The following DDAH1 variants were observed in gnomAD, a reference collection of about 807,000 sequenced individuals.
The protein encoded by DDAH1 is N(G),N(G)-dimethylarginine dimethylaminohydrolase 1.
DDAH1 carries 19 observed loss-of-function variants against 28.8 expected under a neutral mutation model. The ratio of observed to expected loss-of-function variants is 0.66; its 90% confidence interval spans 0.46 to 0.97. The LOEUF is 0.97. Ranked by LOEUF, DDAH1 falls within the 50% of genes least tolerant of loss-of-function variation. The pLI is 0.00. For synonymous variants in DDAH1, 153 were observed against 154.4 expected (o/e 0.99, Z 0.07); for missense variants, 326 against 375.9 (o/e 0.87, Z 1.10).
At chr1:85,459,994 C>T (rs1655057582) in intron 1 of DDAH1, among the ~76,000 whole-genome samples, 1 of 152,182 alleles carries the variant, frequency 6.6e-6, no homozygotes, top group Admixed American at 6.5e-5. Flanking sequence ...CAAAAAATGA[C>T]CTTCAGATTT....
At chr1:85,331,183 G>A (rs1647736643) in intron 4 of DDAH1, among the ~76,000 whole-genome samples, 1 of 152,134 alleles carries the variant, frequency 6.6e-6, no homozygotes, top group Non-Finnish European at 1.5e-5. Context: ...CAACATTTCT[G>A]GGAATTTTCT....
chr1:85,471,260 T>C (rs1655608550), intron 2 of DDAH1, among the ~76,000 whole-genome samples: 1 of 152,240 alleles, frequency 6.6e-6, no homozygotes, highest in African/African-American at 2.4e-5. Context: ...TGGGTTCTGA[T>C]AATGCTGTTG....
Position 85,464,753 on chromosome 1 carries a change from C to T in DDAH1, c.293G>A (p.Arg98Gln). Residue 98 changes from arginine (R) to glutamine (Q), a missense_variant, in exon 1 of 6, where the codon CGG becomes CAG. By Grantham distance (43) the Arg-to-Gln change is conservative. Coordinates refer to ENST00000284031, the MANE Select transcript of DDAH1 (RefSeq NM_012137.4). This position sits in a 1 kb window ranked among gnomAD's most constrained non-coding sequence, Gnocchi z 4.4. ...ALITRPGAPS[R>Q]RKEVDMMKEA... The stretch of plus-strand genomic sequence containing the variant: ...CGAGTCGGCAGTTACCTCCTTCCTC[C>T]GGCTCGGCGCCCCGGGTCGGGTGAT... The T allele has an allele frequency of 1.9e-6, 3 of 1,547,116 alleles. No individual in the cohort carries two copies. Among genetic ancestry groups the T allele is most frequent in the Non-Finnish European group, 2.6e-6 (3 of 1,152,318 alleles).
chr1:85,388,821 A>T (rs1157816108), intron 1 of DDAH1, among the ~76,000 whole-genome samples: 1 of 152,200 alleles, frequency 6.6e-6, no homozygotes, highest in East Asian at 1.9e-4. Flanking sequence ...TTCAGTGTGG[A>T]GTATTTGGCA....
chr1:85,427,012 A>C (rs1238768908), intron 1 of DDAH1, among the ~76,000 whole-genome samples: 2 of 151,962 alleles, frequency 1.3e-5, no homozygotes, highest in African/African-American at 4.8e-5. Context: ...CATTATCTTA[A>C]GGATGATGTT....
intron 1 of DDAH1, among the ~76,000 whole-genome samples, chr1:85,427,384 A>C (rs1338614059): frequency 6.6e-6 from 1 of 152,224 alleles, no homozygotes; most frequent in Non-Finnish European, 1.5e-5. Context: ...TTTAATGCAA[A>C]ACATCAGATC....
chr1:85,393,202 C>T (rs879351600), intron 1 of DDAH1, among the ~76,000 whole-genome samples: 2 of 152,196 alleles, frequency 1.3e-5, no homozygotes, highest in African/African-American at 2.4e-5. Context: ...TATGTATCAT[C>T]TTTACTTCTT....
chr1:85,387,258 C>G (rs940021088), intron 1 of DDAH1, among the ~76,000 whole-genome samples: 3 of 152,104 alleles, frequency 2.0e-5, no homozygotes, highest in African/African-American at 7.2e-5. Flanking sequence ...TGAGAACTTT[C>G]CAAAATTTTC....
At chr1:85,471,073 G>A (rs202061619) in intron 2 of DDAH1, among the ~76,000 whole-genome samples, 3 of 133,502 alleles carry the variant, frequency 2.2e-5, no homozygotes, top group African/African-American at 8.6e-5. Context: ...TCCCATTTTT[G>A]TTGGTTTTGG....
At chr1:85,567,962 G>A (rs536633915) in intron 1 of DDAH1, among the ~76,000 whole-genome samples, 2 of 152,162 alleles carry the variant, frequency 1.3e-5, no homozygotes, top group South Asian at 4.1e-4. Flanking sequence ...AAGTATAAAA[G>A]AATTCAAGTT....
intron 1 of DDAH1, among the ~76,000 whole-genome samples, chr1:85,458,704 G>A (rs572295158): frequency 1.3e-5 from 2 of 152,212 alleles, no homozygotes; most frequent in East Asian, 3.9e-4. Context: ...TCAGTTTAGG[G>A]GAAGTGATGG....
intron 2 of DDAH1, among the ~76,000 whole-genome samples, chr1:85,478,883 G>C (rs1369451299): frequency 6.6e-6 from 1 of 152,100 alleles, no homozygotes; most frequent in African/African-American, 2.4e-5. Context: ...TAATATTATG[G>C]GGGATAGTCT....
intron 4 of DDAH1, among the ~76,000 whole-genome samples, chr1:85,339,462 T>G (rs1648335865): frequency 6.6e-6 from 1 of 152,188 alleles, no homozygotes; most frequent in Non-Finnish European, 1.5e-5. Flanking sequence ...AAAATGAGAT[T>G]TAGAAATATT....
intron 4 of DDAH1, among the ~76,000 whole-genome samples, chr1:85,330,831 T>G (rs1460312254): frequency 2.0e-5 from 3 of 152,318 alleles, no homozygotes; most frequent in Middle Eastern, 3.4e-3. Context: ...ACAATGGCAG[T>G]GTGAGGTGGG....
At chr1:85,473,783 A>C (rs1655703200) in intron 2 of DDAH1, among the ~76,000 whole-genome samples, 2 of 151,844 alleles carry the variant, frequency 1.3e-5, no homozygotes, top group African/African-American at 4.8e-5. Context: ...CTTTCCTTTA[A>C]ATGTTGGTAT....
intron 1 of DDAH1, among the ~76,000 whole-genome samples, chr1:85,390,865 T>A (rs1383485510): frequency 6.6e-6 from 1 of 152,178 alleles, no homozygotes; most frequent in Non-Finnish European, 1.5e-5. Flanking sequence ...CAAATCTTAC[T>A]ACAGATAATA....
intron 1 of DDAH1, among the ~76,000 whole-genome samples, chr1:85,391,435 C>A (rs1651543940): frequency 2.0e-5 from 3 of 152,026 alleles, no homozygotes; most frequent in African/African-American, 7.2e-5. Context: ...TCACTGCACT[C>A]CAGCCTGGGC....
chr1:85,540,960 T>TA (rs140965112), intron 1 of DDAH1, among the ~76,000 whole-genome samples: 27,254 of 106,524 alleles, frequency 0.26, 3,280 homozygotes, highest in Middle Eastern at 0.3. Context: ...ACTCAGTATC[T>TA]AAAAAAAAAA....
chr1:85,512,960 G>A (rs189625165), intron 1 of DDAH1, among the ~76,000 whole-genome samples: 28 of 152,070 alleles, frequency 1.8e-4, no homozygotes, highest in South Asian at 6.2e-4. Flanking sequence ...CATCCCCATC[G>A]AGCTACCAAT....
Sources: gnomAD v4.1 joint callset for allele counts (sites outside exome capture counted in the v4.1 genomes callset) on GRCh38, gnomAD v4.1.1 for gene constraint, Gnocchi (gnomAD v3.1) non-coding constraint, MANE v1.5 for transcripts, NCBI Gene and HGNC (gene_info 2026-07-23, HGNC 2026-07-21) for gene names.